The following DAB2IP variants were observed in gnomAD, a reference collection of about 807,000 sequenced individuals.
The protein encoded by DAB2IP is DAB2 interacting protein, also known as disabled homolog 2-interacting protein.
DAB2IP carries 28 observed loss-of-function variants against 107.2 expected under a neutral mutation model. The ratio of observed to expected loss-of-function variants is 0.26; its 90% CI spans 0.19 to 0.36. The LOEUF is 0.36. Ranked by LOEUF, DAB2IP falls within the 10% of genes least tolerant of loss-of-function variation. DAB2IP has a pLI of 1.00. For missense variants in DAB2IP, 1,400 were observed against 1,644.7 expected (o/e 0.85, Z 2.57); for synonymous variants, 755 against 706.4 (o/e 1.07, Z -1.09).
intron 2 of DAB2IP, among the ~76,000 whole-genome samples, chr9:121,681,567 C>T (rs1462550248): frequency 6.6e-6 from 1 of 152,154 alleles, no homozygotes; most frequent in African/African-American, 2.4e-5. Flanking sequence ...CATGGCAACC[C>T]TCTAGGGGAG....
At chr9:121,602,606 C>G (rs1830722641) in intron 1 of DAB2IP, among the ~76,000 whole-genome samples, 1 of 148,518 alleles carries the variant, frequency 6.7e-6, no homozygotes, top group Non-Finnish European at 1.5e-5. Context: ...GATGGAGTCT[C>G]CCTCTGTCAC....
At chr9:121,643,210 CA>C (rs1049616895) in intron 1 of DAB2IP, among the ~76,000 whole-genome samples, 4 of 152,036 alleles carry the variant, frequency 2.6e-5, no homozygotes, top group Admixed American at 2.0e-4. Flanking sequence ...TGAATGCTCC[CA>C]ATGTAGTTAA....
At chr9:121,643,628 C>T (rs1832436824) in intron 1 of DAB2IP, among the ~76,000 whole-genome samples, 1 of 152,028 alleles carries the variant, frequency 6.6e-6, no homozygotes, top group African/African-American at 2.4e-5. Flanking sequence ...CTTTTCTGCT[C>T]GCTATGCAGT....
At chr9:121,659,150 A>T (rs1032036492) in intron 1 of DAB2IP, among the ~76,000 whole-genome samples, 1 of 152,094 alleles carries the variant, frequency 6.6e-6, no homozygotes, top group Non-Finnish European at 1.5e-5. Flanking sequence ...GAGAGAGGGG[A>T]GAAGAGGAGA....
At chr9:121,768,765 A>G (rs1454229374) in intron 10 of DAB2IP, 132 bp downstream of exon 10, 2 of 1,111,080 alleles carry the variant, frequency 1.8e-6, no homozygotes, top group East Asian at 2.6e-5. Flanking sequence ...CTGTCAGAAC[A>G]CACTGGGGAT....
At chr9:121,694,960 C>T (rs537606376) in intron 2 of DAB2IP, among the ~76,000 whole-genome samples, 1 of 152,218 alleles carries the variant, frequency 6.6e-6, no homozygotes, top group East Asian at 1.9e-4. Context: ...TTAATAGAGG[C>T]AGAGTGCCCC....
At chr9:121,771,705 C>A (rs888913660) in intron 11 of DAB2IP, among the ~76,000 whole-genome samples, 6 of 152,120 alleles carry the variant, frequency 3.9e-5, no homozygotes, top group African/African-American at 1.4e-4. Context: ...CAGGCCCCCA[C>A]TGCTCTCCGT....
intron 1 of DAB2IP, among the ~76,000 whole-genome samples, chr9:121,637,423 A>G (rs1478175712): frequency 6.6e-6 from 1 of 152,064 alleles, no homozygotes; most frequent in Non-Finnish European, 1.5e-5. Flanking sequence ...TTGCTCGGGG[A>G]ATTGGAAAGG....
chr9:121,623,508 A>C (rs1047731366), intron 1 of DAB2IP, among the ~76,000 whole-genome samples: 1 of 151,996 alleles, frequency 6.6e-6, no homozygotes, highest in Non-Finnish European at 1.5e-5. Flanking sequence ...CTGGGACTAC[A>C]AGCATGCACC....
intron 3 of DAB2IP, among the ~76,000 whole-genome samples, chr9:121,717,574 G>A (rs915972999): frequency 6.6e-6 from 1 of 152,174 alleles, no homozygotes; most frequent in African/African-American, 2.4e-5. Flanking sequence ...AGCATACCAC[G>A]TAGCAGTGCC....
At chr9:121,643,773 C>T (rs1434339785) in intron 1 of DAB2IP, among the ~76,000 whole-genome samples, 5 of 150,144 alleles carry the variant, frequency 3.3e-5, no homozygotes. Flanking sequence ...TCGAATGTTG[C>T]CATCATCTCT....
At chr9:121,614,210 T>C (rs1831186604) in intron 1 of DAB2IP, among the ~76,000 whole-genome samples, 1 of 152,144 alleles carries the variant, frequency 6.6e-6, no homozygotes, top group African/African-American at 2.4e-5. Flanking sequence ...AACTCAGGGA[T>C]CCTCATCGTG....
chr9:121,673,887 G>A (rs1182882701), intron 1 of DAB2IP, among the ~76,000 whole-genome samples: 2 of 152,190 alleles, frequency 1.3e-5, no homozygotes, highest in African/African-American at 4.8e-5. Context: ...GGTCCCATCA[G>A]CTCCATGGGT....
At chr9:121,688,937 T>G (rs917419876) in intron 2 of DAB2IP, among the ~76,000 whole-genome samples, 1 of 152,100 alleles carries the variant, frequency 6.6e-6, no homozygotes, top group South Asian at 2.1e-4. Flanking sequence ...GTCCCCTGCC[T>G]TGGGAGGACA....
rs998307735 is a variant in DAB2IP, at chr9:121,699,609, C to T, written c.362+151C>T. 4.2e-5 allele frequency: 27 copies of T among 646,928 alleles called. No homozygotes were observed. The highest frequency in any genetic ancestry group is 1.2e-4 in the African/African-American group (6 of 51,284). 40.1% of individuals were successfully genotyped at this position (646,928 alleles called of 1,614,324 possible). On this transcript the variant is annotated intron_variant, in intron 3 of 15. Coordinates refer to ENST00000408936, the Ensembl canonical transcript of DAB2IP. This position sits in a 1 kb window ranked among gnomAD's most constrained non-coding sequence, Gnocchi z 6.2. ...CCGCCGGGAACTTATGGGGCCACCT[C>T]GGCCGGACTAGGGGGCCCGAGGGGA...
At chr9:121,602,358 T>C (rs1234086037) in intron 1 of DAB2IP, among the ~76,000 whole-genome samples, 2 of 152,098 alleles carry the variant, frequency 1.3e-5, no homozygotes, top group Admixed American at 6.5e-5. Flanking sequence ...GCCTCTGCTT[T>C]CTAGGATTGG....
At chr9:121,758,972 C>T in exon 5 of DAB2IP, 1 of 1,613,232 alleles carries the variant, frequency 6.2e-7, no homozygotes, top group Non-Finnish European at 8.5e-7. Flanking sequence ...TGGAGAACCT[C>T]CGGCGAGCGG....
At chr9:121,588,492 G>T (rs1021494708) in intron 1 of DAB2IP, among the ~76,000 whole-genome samples, 8 of 150,020 alleles carry the variant, frequency 5.3e-5, no homozygotes, top group Admixed American at 2.7e-4. Context: ...TCCATCAAGG[G>T]CTGCTCTCTG....
At chr9:121,780,030 C>T (rs1835488863) in intron 14 of DAB2IP, among the ~76,000 whole-genome samples, 1 of 152,062 alleles carries the variant, frequency 6.6e-6, no homozygotes, top group Non-Finnish European at 1.5e-5. Flanking sequence ...TGTATTGTGT[C>T]CATTTTTCTG....
Sources: gnomAD v4.1 joint callset for allele counts (sites outside exome capture counted in the v4.1 genomes callset) on GRCh38, gnomAD v4.1.1 for gene constraint, Gnocchi (gnomAD v3.1) non-coding constraint, MANE v1.5 for transcripts, NCBI Gene and HGNC (gene_info 2026-07-23, HGNC 2026-07-21) for gene names.